ARHGEF17: variants seen among roughly 807,000 people sequenced by gnomAD.
ARHGEF17 encodes Rho guanine nucleotide exchange factor 17, also known as 164 kDa Rho-specific guanine-nucleotide exchange factor.
A neutral mutation model predicts 174.0 loss-of-function variants in ARHGEF17; 80 were observed. The observed-to-expected ratio is 0.46, with a 90% CI of 0.38 to 0.55. The LOEUF is 0.55. Among genes scored for constraint, ARHGEF17 ranks in the 20% least tolerant of loss-of-function variants. ARHGEF17 has a pLI of 0.00. For missense variants in ARHGEF17, 2,886 were observed against 2,839.7 expected, an observed-to-expected ratio of 1.02 and a Z score of -0.37; for synonymous variants, 1,311 against 1,189.1, an observed-to-expected ratio of 1.10 and a Z score of -2.11.
At chr11:73,330,025 G>C (rs1015804104) in intron 1 of ARHGEF17, among the ~76,000 whole-genome samples, 12 of 152,274 alleles carry the variant, frequency 7.9e-5, no homozygotes, top group Admixed American at 2.6e-4. Flanking sequence ...AATGAGTAAG[G>C]TTGAGCATCT....
At chr11:73,354,034 C>T (rs1042910745) in intron 3 of ARHGEF17, among the ~76,000 whole-genome samples, 1 of 152,248 alleles carries the variant, frequency 6.6e-6, no homozygotes, top group South Asian at 2.1e-4. Flanking sequence ...AAAATTCTTG[C>T]AAAAATTTTA....
Position 73,308,546 on chromosome 11 carries a change from G to C in ARHGEF17, c.-93G>C, listed in dbSNP as rs1239393080. 4.3e-6 allele frequency: 5 copies of C among 1,150,132 alleles called. No homozygotes were observed. The highest frequency in any genetic ancestry group is 3.3e-5 in the African/African-American group (2 of 61,226). The allele number at this position is 1,150,132 out of a possible 1,614,324, so 71.2% of individuals were successfully genotyped here. On this transcript the variant is annotated 5_prime_UTR_variant, in exon 1 of 21. Transcript: ENST00000263674. Reference sequence around the variant, plus strand: ...TCCCACACTCCCGTGCGCTGCTTTCGGCGTGGGCCGCTGCGCTCCTAGGGA... The same window carrying C: ...TCCCACACTCCCGTGCGCTGCTTTCCGCGTGGGCCGCTGCGCTCCTAGGGA...
intron 1 of ARHGEF17, chr11:73,343,164 C>T (rs1865401857): frequency 2.5e-6 from 1 of 397,254 alleles, no homozygotes; most frequent in Non-Finnish European, 4.4e-6. Context: ...GGTGAAGACC[C>T]TGGCCCAGTT....
chr11:73,327,670 C>T (rs1000112477), intron 1 of ARHGEF17, among the ~76,000 whole-genome samples: 2 of 152,104 alleles, frequency 1.3e-5, no homozygotes, highest in Non-Finnish European at 2.9e-5. Context: ...TGTAACAATG[C>T]GATGGGTTGG....
rs368270397 is a variant in ARHGEF17 at position 73,310,979 on chromosome 11, A to G, written c.2341A>G (p.Ser781Gly). ...ATSAMDEGLT[S>G]GHSDWSVGSE... ...CTCAGCCATGGATGAGGGCTTGACC[A>G]GTGGTCACAGTGACTGGTCTGTGGG... The change falls in exon 1 of 21, where the codon AGT (serine) becomes GGT (glycine). Residue 781 changes from serine to glycine, a missense_variant. Coordinates refer to ENST00000263674, the MANE Select transcript of ARHGEF17 (RefSeq NM_014786.4). 3 of 1,614,122 alleles carry G rather than the reference A, an allele frequency of 1.9e-6. No homozygotes were observed. Among genetic ancestry groups the G allele is most frequent in the Non-Finnish European group, 2.5e-6 (3 of 1,179,998 alleles).
At position 73,367,744 on chromosome 11, in the gene ARHGEF17, C is replaced by G; in HGVS notation, c.6156C>G (p.Asp2052Glu). 1 of 1,613,878 alleles carries G rather than the reference C, an allele frequency of 6.2e-7. No homozygotes were observed. The highest frequency in any genetic ancestry group is 8.5e-7 in the Non-Finnish European group (1 of 1,179,904). ...GCAGCAGTGAGACTGTGGGTCGAGA[C>G]GACAGCACAAACCACCTCCTCCTGT... ...GGSSSETVGR[D>E]DSTNHLLLWR... The change falls in exon 21 of 21, where the codon GAC becomes GAG. Residue 2052 changes from aspartate (D) to glutamate (E), a missense_variant. Transcript: ENST00000263674.
At position 73,310,747 on chromosome 11, in the gene ARHGEF17, A is replaced by G; in HGVS notation, c.2109A>G (p.Pro703=). The G allele has an allele frequency of 6.2e-7, 1 of 1,611,486 alleles. No individual in the cohort carries two copies. The highest frequency in any genetic ancestry group is 8.5e-7 in the Non-Finnish European group (1 of 1,178,630). The part of the protein sequence containing the change: ...ALVSPETPPT[P]GALRRRRKVP... ...TGTCGCCTGAGACCCCTCCCACACC[A>G]GGTGCCCTCCGCCGACGACGCAAAG... Residue 703 remains proline (P), a synonymous_variant, in exon 1 of 21, where the codon CCA becomes CCG. Coordinates refer to ENST00000263674, the MANE Select transcript of ARHGEF17 (RefSeq NM_014786.4).
chr11:73,311,189 C>G lies in ARHGEF17; in HGVS notation c.2551C>G (p.Arg851Gly). ...GFEGPGGEPI[R>G]EVEPMLPPSS... ...CGAGGGCCCTGGAGGGGAGCCCATC[C>G]GAGAAGTTGAGCCCATGCTGCCTCC... is the stretch of plus-strand genomic sequence containing the variant. The change falls in exon 1 of 21, where the codon CGA becomes GGA. Residue 851 changes from arginine to glycine, a missense_variant. Around this residue, in one of 4 missense-constraint regions of ARHGEF17, gnomAD observed 1,728 missense variants for 1,461.2 expected, o/e 1.18. Coordinates refer to ENST00000263674, the MANE Select transcript of ARHGEF17 (RefSeq NM_014786.4). The G allele has an allele frequency of 6.3e-7, 1 of 1,596,732 alleles. No individual in the cohort carries two copies. Among genetic ancestry groups the G allele is most frequent in the Non-Finnish European group, 8.6e-7 (1 of 1,168,824 alleles).
intron 1 of ARHGEF17, among the ~76,000 whole-genome samples, chr11:73,334,153 C>T (rs969921835): frequency 1.3e-5 from 2 of 152,150 alleles, no homozygotes; most frequent in African/African-American, 4.8e-5. Context: ...GCAAGCCTGA[C>T]ATATAGTAGG....
chr11:73,318,561 T>C (rs1230104768), intron 1 of ARHGEF17, among the ~76,000 whole-genome samples: 1 of 152,134 alleles, frequency 6.6e-6, no homozygotes, highest in Non-Finnish European at 1.5e-5. Context: ...GCCCAGGAGG[T>C]TGAGGCTGCA....
rs770419392 is a variant in ARHGEF17 at position 73,361,103 on chromosome 11, G to A, written c.4436G>A (p.Cys1479Tyr). Residue 1479 changes from cysteine (C) to tyrosine (Y), a missense_variant, in exon 12 of 21, where the codon TGT becomes TAT. This residue lies in a region of ARHGEF17 where 476 missense variants were observed against 473.1 expected (regional missense o/e 1.01). Transcript: ENST00000263674. ...TCCACTACAGCATCCAGCAAAAGCT[G>A]TCTAGACCCTGAGTTCCTGAAGGCC... ...AKRKLASSKS[C>Y]LDPEFLKAIP... 12 of 1,613,958 alleles carry A rather than the reference G, an allele frequency of 7.4e-6. No individual in the cohort carries two copies. The highest frequency in any genetic ancestry group is 9.3e-6 in the Non-Finnish European group (11 of 1,179,982).
At chr11:73,361,245 T>A in intron 12 of ARHGEF17, 84 bp downstream of exon 12, 1 of 1,282,648 alleles carries the variant, frequency 7.8e-7, no homozygotes. Context: ...ATTGTGTATA[T>A]GCCGTGAACA....
At position 73,363,401 on chromosome 11, in the gene ARHGEF17, G is replaced by A. The variant is rs757002638; in HGVS notation, c.5192G>A (p.Ser1731Asn). ...FTRGSLEDLLSVDPEAYQSSV... is the reference protein window; with the variant it reads ...FTRGSLEDLLNVDPEAYQSSV... ...CGGGGCAGCCTTGAGGACCTGCTGAGTGTCGACCCTGAGGCCTACCAGAGC... is the reference window on the plus strand; with the variant it reads ...CGGGGCAGCCTTGAGGACCTGCTGAATGTCGACCCTGAGGCCTACCAGAGC... Residue 1731 changes from serine (S) to asparagine (N), a missense_variant, in exon 15 of 21, where the codon AGT (serine) becomes AAT (asparagine). Ser to Asn is a conservative substitution (Grantham distance 46). Transcript: ENST00000263674. 2 of 1,613,292 alleles carry A rather than the reference G, an allele frequency of 1.2e-6. No individual in the cohort carries two copies. The highest frequency in any genetic ancestry group is 1.3e-5 in the African/African-American group (1 of 74,934).
intron 1 of ARHGEF17, among the ~76,000 whole-genome samples, chr11:73,343,594 G>C (rs1055524793): frequency 6.6e-6 from 1 of 152,152 alleles, no homozygotes; most frequent in Admixed American, 6.5e-5. Context: ...TTAGGCTTGA[G>C]GTGGCCCTGG....
chr11:73,343,416 G>A (rs1865408149), intron 1 of ARHGEF17: 4 of 391,388 alleles, frequency 1.0e-5, no homozygotes, highest in Non-Finnish European at 1.8e-5. Context: ...TGGAGACCTG[G>A]AGATTGCCGG....
In ARHGEF17 at chr11:73,362,648, G is replaced by T; in HGVS notation, c.4910G>T (p.Ser1637Ile). 1 of 1,611,648 alleles carries T rather than the reference G, an allele frequency of 6.2e-7. No homozygotes were observed. Residue 1637 changes from serine (S) to isoleucine (I), a missense_variant, in exon 14 of 21, where the codon AGT becomes ATT. By Grantham distance (142) the Ser-to-Ile change is moderately radical (BLOSUM62 -2). This residue lies in a region of ARHGEF17 where 476 missense variants were observed against 473.1 expected (regional missense o/e 1.01). Coordinates refer to ENST00000263674, the MANE Select transcript of ARHGEF17 (RefSeq NM_014786.4). ...CGCCCAGAGCTGGTGCCCTTTGACA[G>T]TGACTCTGACGATGAGTCTTCGCCC... is the stretch of plus-strand genomic sequence containing the variant. ...DPRPELVPFD[S>I]DSDDESSPSP...
At position 73,367,779 on chromosome 11, in the gene ARHGEF17, G is replaced by A. The variant is rs902175599; in HGVS notation, c.6191G>A (p.Ter2064=). 1 of 1,606,774 alleles carries A rather than the reference G, an allele frequency of 6.2e-7. No individual in the cohort carries two copies. The highest frequency in any genetic ancestry group is 8.5e-7 in the Non-Finnish European group (1 of 1,174,578). Residue 2064 remains the stop codon, a stop_retained_variant, in exon 21 of 21, where the codon TGA becomes TAA. Coordinates refer to ENST00000263674, the MANE Select transcript of ARHGEF17 (RefSeq NM_014786.4). The stretch of plus-strand genomic sequence containing the variant: ...AACCACCTCCTCCTGTGGAGGGTGT[G>A]ACCCTGTCTGCCGTGGCCCAGGACT... ...STNHLLLWRV[*]
In ARHGEF17 at chr11:73,309,654, A is replaced by G; in HGVS notation, c.1016A>G (p.Glu339Gly). ...ACATCTCCAAGAGCCCCTAGAGAAG[A>G]AGGACTCCGGGAGTGGGGTAGTGGC... ...PPTSPRAPRE[E>G]GLREWGSGSP... The change falls in exon 1 of 21, where the codon GAA becomes GGA. Residue 339 changes from glutamate (E) to glycine (G), a missense_variant. Physicochemically the swap from Glu to Gly is moderately conservative, Grantham distance 98. This residue lies in a region of ARHGEF17 where 1,728 missense variants were observed against 1,461.2 expected (regional missense o/e 1.18). Transcript: ENST00000263674. 6.2e-6 allele frequency: 10 copies of G among 1,613,042 alleles called. No homozygotes were observed. Among genetic ancestry groups the G allele is most frequent in the Non-Finnish European group, 8.5e-6 (10 of 1,180,006 alleles).
intron 2 of ARHGEF17, among the ~76,000 whole-genome samples, chr11:73,350,510 A>C (rs997583534): frequency 2.0e-5 from 3 of 152,158 alleles, no homozygotes; most frequent in Admixed American, 1.3e-4. Flanking sequence ...GTGGTATTCA[A>C]ATTGAGATTG....
Sources: allele counts gnomAD v4.1 joint callset (sites outside exome capture counted in the v4.1 genomes callset), GRCh38; gene constraint gnomAD v4.1.1; regional missense constraint gnomAD v4.1.1; transcripts MANE v1.5; gene names NCBI Gene and HGNC (gene_info 2026-07-23, HGNC 2026-07-21).